The following STYK1 variants were observed in gnomAD, a reference collection of about 807,000 sequenced individuals.
The protein encoded by STYK1 is tyrosine-protein kinase STYK1.
STYK1 carries 46 observed loss-of-function variants against 48.1 expected under a neutral mutation model. The ratio of observed to expected loss-of-function variants is 0.96; its 90% CI spans 0.75 to 1.22. STYK1 has a LOEUF of 1.22. Ranked by LOEUF, STYK1 falls within the 50% of genes most tolerant of loss-of-function variation. The pLI is 0.00. For synonymous variants in STYK1, 188 were observed against 189.0 expected (o/e 0.99, Z 0.04); for missense variants, 527 against 521.1 (o/e 1.01, Z -0.11).
At chr12:10,663,811 A>G (rs1947806089) in intron 1 of STYK1, among the ~76,000 whole-genome samples, 1 of 151,358 alleles carries the variant, frequency 6.6e-6, no homozygotes, top group Non-Finnish European at 1.5e-5. Flanking sequence ...GCGTACCACT[A>G]TCTTAACAAT....
chr12:10,654,376 C>T (rs1015086573), intron 1 of STYK1, among the ~76,000 whole-genome samples: 3 of 152,158 alleles, frequency 2.0e-5, no homozygotes, highest in African/African-American at 7.2e-5. Flanking sequence ...TCACTTTACT[C>T]TATGGAGTCA....
At position 10,635,221 on chromosome 12, in the gene STYK1, A is replaced by G. The variant is rs549047317; in HGVS notation, c.-68-535T>C. On this transcript the variant is annotated intron_variant, in intron 2 of 10. Coordinates refer to ENST00000075503, the MANE Select transcript of STYK1 (RefSeq NM_018423.3). Reference sequence around the variant, plus strand: ...TTTAAATCTCAAACTCTTGGGCTCAATTAATCCTCCTGCCTCAATCCCCTG... The same window carrying G: ...TTTAAATCTCAAACTCTTGGGCTCAGTTAATCCTCCTGCCTCAATCCCCTG... 4.6e-5 allele frequency among the ~76,000 whole-genome samples: 7 copies of G among 152,288 alleles called. No homozygotes were observed. The East Asian group carries it at 1.3e-3, about 29-fold the overall frequency.
chr12:10,647,067 G>C (rs1418604800), intron 1 of STYK1, among the ~76,000 whole-genome samples: 1 of 152,222 alleles, frequency 6.6e-6, no homozygotes, highest in African/African-American at 2.4e-5. Flanking sequence ...GTGCAGAAGG[G>C]AAATGTGGGG....
intron 1 of STYK1, among the ~76,000 whole-genome samples, chr12:10,644,083 T>C (rs996045111): frequency 6.6e-6 from 1 of 152,206 alleles, no homozygotes; most frequent in Non-Finnish European, 1.5e-5. Flanking sequence ...AAAGCCAGTC[T>C]CAAAAGGTTA....
Position 10,649,213 on chromosome 12 carries a change from A to G in STYK1, c.-194-12017T>C, listed in dbSNP as rs555073635. On this transcript the variant is annotated intron_variant, in intron 1 of 10. Transcript: ENST00000075503. ...AGATGTAAATAAAAAAAAATCAACCATGTGTTCAAAATTGCCAAATTCAGG... is the reference window on the plus strand; with the variant it reads ...AGATGTAAATAAAAAAAAATCAACCGTGTGTTCAAAATTGCCAAATTCAGG... Among the ~76,000 whole-genome samples, 6 of 152,310 alleles carry G rather than the reference A, an allele frequency of 3.9e-5. No individual in the cohort carries two copies. In the South Asian group the frequency reaches 1.0e-3, roughly 26 times the overall value.
At chr12:10,663,087 C>T (rs991809208) in intron 1 of STYK1, among the ~76,000 whole-genome samples, 4 of 152,186 alleles carry the variant, frequency 2.6e-5, no homozygotes, top group African/African-American at 7.2e-5. Context: ...TCTTTTTCTG[C>T]TCTTTATTAT....
At chr12:10,662,326 A>G (rs1947786101) in intron 1 of STYK1, among the ~76,000 whole-genome samples, 1 of 152,230 alleles carries the variant, frequency 6.6e-6, no homozygotes, top group Non-Finnish European at 1.5e-5. Context: ...GCTGCTGTGG[A>G]TACTCACATA....
intron 1 of STYK1, among the ~76,000 whole-genome samples, chr12:10,665,239 T>C (rs1947822382): frequency 6.6e-6 from 1 of 152,148 alleles, no homozygotes; most frequent in Admixed American, 6.5e-5. Context: ...TGATCACACC[T>C]CCCTGTTACA....
At chr12:10,659,901 T>C (rs576321138) in intron 1 of STYK1, among the ~76,000 whole-genome samples, 2 of 152,330 alleles carry the variant, frequency 1.3e-5, no homozygotes, top group East Asian at 3.9e-4. Flanking sequence ...ACACCTGTTG[T>C]TAGATTCTAG....
chr12:10,636,677 C>T (rs1189575424), intron 2 of STYK1, among the ~76,000 whole-genome samples: 2 of 152,148 alleles, frequency 1.3e-5, no homozygotes, highest in Non-Finnish European at 2.9e-5. Flanking sequence ...TATTATCATT[C>T]TTATTTTCCT....
chr12:10,621,762 A>G, intron 10 of STYK1, 114 bp downstream of exon 10: 1 of 860,634 alleles, frequency 1.2e-6, no homozygotes, highest in Non-Finnish European at 1.9e-6. Flanking sequence ...AAAGCTGTAC[A>G]TGGGTACATA....
intron 1 of STYK1, among the ~76,000 whole-genome samples, chr12:10,639,648 A>G (rs946995624): frequency 6.6e-6 from 1 of 152,168 alleles, no homozygotes; most frequent in African/African-American, 2.4e-5. Flanking sequence ...TCCTGACCTC[A>G]GGTTATCCAC....
chr12:10,625,379 G>T (rs902799602), intron 7 of STYK1, among the ~76,000 whole-genome samples: 1 of 151,972 alleles, frequency 6.6e-6, no homozygotes, highest in African/African-American at 2.4e-5. Flanking sequence ...CACCACGCCT[G>T]GCTAATTTTT....
At chr12:10,635,962 T>C (rs925913071) in intron 2 of STYK1, among the ~76,000 whole-genome samples, 16 of 152,208 alleles carry the variant, frequency 1.1e-4, no homozygotes, top group Admixed American at 6.5e-5. Flanking sequence ...AAAGAAAATA[T>C]GATTTTCTGC....
Position 10,633,976 on chromosome 12 carries a change from AGTTTGAGCTTTACCTTGAG to A in STYK1, c.182_187+13del, listed in dbSNP as rs746932266. On this transcript the variant is annotated splice_donor_variant and splice_donor_5th_base_variant and coding_sequence_variant and intron_variant, in exon 4 of 11. Coordinates refer to ENST00000075503, the MANE Select transcript of STYK1 (RefSeq NM_018423.3). LOFTEE classifies it high-confidence loss of function. ...TCTTTAAGCCCCTGCCCAGCCCCAA[AGTTTGAGCTTTACCTTGAG>A]GTCCAGAACGCTGCTGTTGAGTTCT... The A allele has an allele frequency of 6.8e-5, 110 of 1,612,574 alleles. No homozygotes were observed. The highest frequency in any genetic ancestry group is 1.6e-4 in the Middle Eastern group (1 of 6,064).
intron 7 of STYK1, among the ~76,000 whole-genome samples, chr12:10,626,772 C>T (rs1158473223): frequency 6.6e-6 from 1 of 151,990 alleles, no homozygotes; most frequent in Admixed American, 6.6e-5. Context: ...TTTGGGAGGC[C>T]GAGGCGCGCG....
intron 4 of STYK1, 64 bp downstream of exon 4, chr12:10,633,926 C>T (rs1388219088): frequency 3.2e-6 from 5 of 1,580,692 alleles, no homozygotes; most frequent in Non-Finnish European, 4.3e-6. Context: ...GAAACTTAGA[C>T]CATACTTTTT....
At chr12:10,629,114 C>A (rs1222899211) in intron 6 of STYK1, among the ~76,000 whole-genome samples, 1 of 152,148 alleles carries the variant, frequency 6.6e-6, no homozygotes, top group Non-Finnish European at 1.5e-5. Flanking sequence ...TGCTCACAGT[C>A]ACATAACTAG....
At chr12:10,659,625 A>G (rs1310293882) in intron 1 of STYK1, among the ~76,000 whole-genome samples, 5 of 152,016 alleles carry the variant, frequency 3.3e-5, no homozygotes, top group Non-Finnish European at 7.4e-5. Flanking sequence ...AATTTATCCA[A>G]CTCCTAGGTA....
Sources: gnomAD v4.1 joint callset for allele counts (sites outside exome capture counted in the v4.1 genomes callset) on GRCh38, gnomAD v4.1.1 for gene constraint, MANE v1.5 for transcripts, NCBI Gene and HGNC (gene_info 2026-07-23, HGNC 2026-07-21) for gene names.